The following PIWIL1 variants were observed in gnomAD, a reference collection of about 807,000 sequenced individuals.
PIWIL1 encodes the protein piwi like RNA-mediated gene silencing 1, also known as piwi-like protein 1.
PIWIL1 carries 73 observed loss-of-function variants against 114.4 expected under a neutral mutation model. That is an observed-to-expected ratio of 0.64 (90% CI 0.53 to 0.78). The LOEUF (loss-of-function observed/expected upper bound fraction) is 0.78, where lower values mean the gene tolerates loss of function less well. Ranked by LOEUF, PIWIL1 falls within the 30% of genes least tolerant of loss-of-function variation. PIWIL1 has a pLI of 0.00. For synonymous variants in PIWIL1, 375 were observed against 369.0 expected, an observed-to-expected ratio of 1.02 and a Z score of -0.19; for missense variants, 723 against 1,063.1, an observed-to-expected ratio of 0.68 and a Z score of 4.45.
chr12:130,353,908 A>G (rs1183272785), intron 9 of PIWIL1, among the ~76,000 whole-genome samples: 1 of 151,572 alleles, frequency 6.6e-6, no homozygotes, highest in East Asian at 1.9e-4. Context: ...CCTGGGTGAC[A>G]GAGCGAGACT....
At chr12:130,375,563 C>A (rs962531719), downstream of PIWIL1, among the ~76,000 whole-genome samples, 1 of 152,254 alleles carries the variant, frequency 6.6e-6, no homozygotes, top group African/African-American at 2.4e-5. Flanking sequence ...CACACCCCAC[C>A]TGCTTGGGCA....
chr12:130,391,636 ACG>A, the PIWIL1 span, among the ~76,000 whole-genome samples: 1 of 152,192 alleles, frequency 6.6e-6, no homozygotes, highest in Admixed American at 6.5e-5. Flanking sequence ...CGGAATGGTC[ACG>A]AGGCTGGAGG....
the PIWIL1 span, among the ~76,000 whole-genome samples, chr12:130,415,040 C>T: frequency 6.6e-6 from 1 of 152,164 alleles, no homozygotes; most frequent in East Asian, 1.9e-4. Context: ...GGACTCCACC[C>T]TAACTCATTC....
the PIWIL1 span, among the ~76,000 whole-genome samples, chr12:130,391,548 T>G: frequency 0.68 from 102,788 of 152,040 alleles, 34,901 homozygotes; most frequent in Non-Finnish European, 0.7. Flanking sequence ...GAAAAAAGCT[T>G]TATTATTTTC....
chr12:130,342,917 T>G, intron 2 of PIWIL1, 73 bp from the exon 3 acceptor site: 1 of 1,067,508 alleles, frequency 9.4e-7, no homozygotes, highest in Non-Finnish European at 1.5e-6. Flanking sequence ...TTCCTGAGAC[T>G]TAAGACTAGA....
At chr12:130,422,401 A>T in the PIWIL1 span, 1 of 1,303,140 alleles carries the variant, frequency 7.7e-7, no homozygotes, top group Non-Finnish European at 1.1e-6. This position sits in a 1 kb window ranked among gnomAD's most constrained non-coding sequence, Gnocchi z 5.2. Context: ...TGGAGTAAGC[A>T]GCCACATGCT....
chr12:130,345,851 C>A lies in PIWIL1; in HGVS notation c.289C>A (p.Leu97Ile), dbSNP rs762300056. The change falls in exon 4 of 21, where the codon CTA (leucine) becomes ATA (isoleucine). Residue 97 changes from leucine (L) to isoleucine (I), a missense_variant. Transcript: ENST00000245255. The stretch of plus-strand genomic sequence containing the variant: ...TCTTGGTGTGAATACAAGGCAGAAC[C>A]TAGACCATGTTAAAGAATCAAAAAC... ...HDLGVNTRQNLDHVKESKTGS... is the reference protein window; with the variant it reads ...HDLGVNTRQNIDHVKESKTGS... 8.7e-6 allele frequency: 14 copies of A among 1,613,814 alleles called. No homozygotes were observed. The highest frequency in any genetic ancestry group is 1.2e-5 in the Non-Finnish European group (14 of 1,179,888).
At chr12:130,366,926 T>A (rs374025860) in intron 18 of PIWIL1, among the ~76,000 whole-genome samples, 51 of 152,330 alleles carry the variant, frequency 3.3e-4, no homozygotes, top group African/African-American at 1.1e-3. Context: ...ACAGGACATA[T>A]GTGCCATTTG....
In PIWIL1 at chr12:130,372,208, A is replaced by G. The variant is rs937941837; in HGVS notation, c.*610A>G. On this transcript the variant is annotated 3_prime_UTR_variant, in exon 21 of 21. Coordinates refer to ENST00000245255, the MANE Select transcript of PIWIL1 (RefSeq NM_004764.5). ...TTAAATTGTCCAAAGAAACATTTTA[A>G]GACTCTTTAACAAAAAAGGCCATGA... 2.6e-5 allele frequency: 4 copies of G among 152,202 alleles called. No individual in the cohort carries two copies. The highest frequency in any genetic ancestry group is 2.6e-4 in the Admixed American group (4 of 15,276). 9.4% of individuals were successfully genotyped at this position (152,202 alleles called of 1,614,324 possible).
Position 130,349,246 on chromosome 12 carries a change from A to G in PIWIL1, c.742A>G (p.Ile248Val). 6.2e-7 allele frequency: 1 copy of G among 1,611,562 alleles called. No homozygotes were observed. The highest frequency in any genetic ancestry group is 1.7e-4 in the Middle Eastern group (1 of 6,058). ...PIDIPSHRLVIWPGFTTSILQ... is the reference protein window; with the variant it reads ...PIDIPSHRLVVWPGFTTSILQ... ...CCCCATCTCGTCTGACAGGTTGGTG[A>G]TTTGGCCTGGCTTCACTACTTCCAT... The change falls in exon 8 of 21, where the codon ATT (isoleucine) becomes GTT (valine). Residue 248 changes from isoleucine to valine, a missense_variant. Transcript: ENST00000245255.
Position 130,346,470 on chromosome 12 carries a change from G to A in PIWIL1, c.417G>A (p.Leu139=). 6.2e-7 allele frequency: 1 copy of A among 1,614,058 alleles called. No homozygotes were observed. The highest frequency in any genetic ancestry group is 8.5e-7 in the Non-Finnish European group (1 of 1,179,910). ...LYQYHIDYNP[L]MEARRLRSAL... ...AGTATCACATTGACTATAACCCACT[G>A]ATGGAAGCCAGAAGACTCCGTTCAG... Residue 139 remains leucine, a synonymous_variant, in exon 5 of 21, where the codon CTG becomes CTA. Transcript: ENST00000245255.
At chr12:130,399,584 C>T in the PIWIL1 span, 15 of 1,425,290 alleles carry the variant, frequency 1.1e-5, no homozygotes, top group South Asian at 2.9e-5. Flanking sequence ...TTACGCTTTT[C>T]GGCCCAAGAT....
intron 8 of PIWIL1, 49 bp downstream of exon 8, chr12:130,349,485 T>C: frequency 7.9e-7 from 1 of 1,270,816 alleles, no homozygotes; most frequent in Non-Finnish European, 1.1e-6. Context: ...AGTCAAAGTA[T>C]TGTGGCTTTC....
chr12:130,407,136 A>C, the PIWIL1 span, among the ~76,000 whole-genome samples: 1 of 152,316 alleles, frequency 6.6e-6, no homozygotes, highest in East Asian at 1.9e-4. Flanking sequence ...TGTCAAAATG[A>C]GGGAATATAG....
At chr12:130,417,550 A>C in the PIWIL1 span, among the ~76,000 whole-genome samples, 3 of 152,194 alleles carry the variant, frequency 2.0e-5, no homozygotes, top group Admixed American at 1.3e-4. Context: ...CGAAGATGGG[A>C]ACAACAGAAA....
At chr12:130,408,910 T>C in the PIWIL1 span, among the ~76,000 whole-genome samples, 1 of 152,194 alleles carries the variant, frequency 6.6e-6, no homozygotes, top group Non-Finnish European at 1.5e-5. Context: ...ATTCCAGCGA[T>C]TACTCTCCCC....
Position 130,355,645 on chromosome 12 carries a change from A to C in PIWIL1, c.1382A>C (p.Lys461Thr). The change falls in exon 12 of 21, where the codon AAG becomes ACG. Residue 461 changes from lysine to threonine, a missense_variant. Physicochemically the swap from Lys to Thr is moderately conservative, Grantham distance 78. This residue lies in a region of PIWIL1 where 298 missense variants were observed against 420.8 expected (regional missense o/e 0.71). Transcript: ENST00000245255. ...SFSGRILQTE[K>T]IHQGGKTFDY... is the part of the protein sequence containing the mutation. Reference sequence around the variant, plus strand: ...TCAGGAAGAATTTTGCAAACAGAAAAGATTCACCAAGGTGGAAAAACAGTA... The same window carrying C: ...TCAGGAAGAATTTTGCAAACAGAAACGATTCACCAAGGTGGAAAAACAGTA... The C allele has an allele frequency of 1.2e-6, 2 of 1,613,398 alleles. No homozygotes were observed. The highest frequency in any genetic ancestry group is 1.7e-6 in the Non-Finnish European group (2 of 1,179,270).
the PIWIL1 span, among the ~76,000 whole-genome samples, chr12:130,423,766 C>T: frequency 8.8e-5 from 13 of 148,562 alleles, no homozygotes; most frequent in South Asian, 2.1e-4. Flanking sequence ...AAAAAACCCT[C>T]GACAATACTA....
chr12:130,422,358 A>G, the PIWIL1 span: 1 of 745,800 alleles, frequency 1.3e-6, no homozygotes. The surrounding 1 kb of genome is among the most constrained non-coding windows in gnomAD (Gnocchi z 5.2). Context: ...CTTAGCGGAA[A>G]ATGCTACTCC....
Sources: gnomAD v4.1 joint callset for allele counts (sites outside exome capture counted in the v4.1 genomes callset) on GRCh38, gnomAD v4.1.1 for gene constraint, gnomAD v4.1.1 regional missense constraint, Gnocchi (gnomAD v3.1) non-coding constraint, MANE v1.5 for transcripts, NCBI Gene and HGNC (gene_info 2026-07-23, HGNC 2026-07-21) for gene names.